The following ZNF521 variants were observed in gnomAD, a reference collection of about 807,000 sequenced individuals.
ZNF521 encodes LYST-interacting protein 3.
In ZNF521, 14 loss-of-function variants were observed where a neutral mutation model predicts 105.5. The observed-to-expected ratio is 0.13, with a 90% CI of 0.09 to 0.21. ZNF521 has a LOEUF of 0.21. Among genes scored for constraint, ZNF521 ranks in the 10% least tolerant of loss-of-function variants. The pLI, the probability that ZNF521 is intolerant of heterozygous loss-of-function variation, is 1.00. For synonymous variants in ZNF521, 635 were observed against 606.0 expected (o/e 1.05, Z -0.70); for missense variants, 1,233 against 1,629.7 (o/e 0.76, Z 4.19).
At chr18:25,099,538 A>G (rs2033923190) in intron 5 of ZNF521, among the ~76,000 whole-genome samples, 1 of 152,186 alleles carries the variant, frequency 6.6e-6, no homozygotes, top group Non-Finnish European at 1.5e-5. Flanking sequence ...TTATATCTGA[A>G]ATACCAAAAA....
chr18:25,343,696 C>T (rs1411904386), intron 2 of ZNF521, among the ~76,000 whole-genome samples: 2 of 152,048 alleles, frequency 1.3e-5, no homozygotes, highest in Non-Finnish European at 2.9e-5. Flanking sequence ...TGAACACGTA[C>T]CTAACACATA....
intron 5 of ZNF521, among the ~76,000 whole-genome samples, chr18:25,143,357 T>C (rs968487404): frequency 2.0e-5 from 3 of 152,162 alleles, no homozygotes; most frequent in African/African-American, 7.2e-5. Flanking sequence ...AGTCCTGTTT[T>C]TCATGTAGAT....
chr18:25,224,191 A>G, intron 4 of ZNF521, 154 bp downstream of exon 4: 2 of 723,818 alleles, frequency 2.8e-6, no homozygotes, highest in South Asian at 4.0e-5. Context: ...AGTAATTGCT[A>G]GCTAATGGCT....
chr18:25,222,866 AT>A (rs1292434440), intron 4 of ZNF521, among the ~76,000 whole-genome samples: 1 of 152,194 alleles, frequency 6.6e-6, no homozygotes, highest in African/African-American at 2.4e-5. Context: ...GAACAAAAAA[AT>A]ACCCTTATTC....
intron 5 of ZNF521, among the ~76,000 whole-genome samples, chr18:25,145,944 T>C (rs988151721): frequency 2.0e-5 from 3 of 152,218 alleles, no homozygotes; most frequent in East Asian, 3.8e-4. Flanking sequence ...TATGACAACA[T>C]GGGAAACCTT....
chr18:25,246,759 T>C (rs1293748018), intron 3 of ZNF521, among the ~76,000 whole-genome samples: 1 of 152,210 alleles, frequency 6.6e-6, no homozygotes, highest in African/African-American at 2.4e-5. Flanking sequence ...TAAGAGAGGA[T>C]TCAGTTCAAT....
intron 5 of ZNF521, among the ~76,000 whole-genome samples, chr18:25,118,258 T>C (rs986065475): frequency 3.9e-5 from 6 of 152,064 alleles, no homozygotes; most frequent in African/African-American, 1.4e-4. Context: ...TAAGAGAATT[T>C]ATCTTTAGCA....
At chr18:25,199,564 T>C (rs1194677358) in intron 4 of ZNF521, among the ~76,000 whole-genome samples, 1 of 151,898 alleles carries the variant, frequency 6.6e-6, no homozygotes, top group South Asian at 2.1e-4. Context: ...AGGGATGAAA[T>C]ATTTGCAATT....
At chr18:25,228,329 T>G (rs4392144) in intron 3 of ZNF521, among the ~76,000 whole-genome samples, 34 of 152,368 alleles carry the variant, frequency 2.2e-4, no homozygotes, top group African/African-American at 7.7e-4. Flanking sequence ...TTATGTCTTG[T>G]GTAATGAAAG....
chr18:25,116,888 CGTATATAT>C (rs1567968454), intron 5 of ZNF521, among the ~76,000 whole-genome samples: 13 of 133,978 alleles, frequency 9.7e-5, no homozygotes, highest in Admixed American at 7.4e-5. Context: ...TATATATATA[CGTATATAT>C]ATATGTGTAT....
chr18:25,135,084 A>T (rs2034707975), intron 5 of ZNF521, among the ~76,000 whole-genome samples: 1 of 152,082 alleles, frequency 6.6e-6, no homozygotes, highest in Admixed American at 6.6e-5. Flanking sequence ...ACAGTGGGGA[A>T]TTATCAGCTA....
chr18:25,176,976 C>T (rs2035546514), intron 5 of ZNF521, among the ~76,000 whole-genome samples: 1 of 152,244 alleles, frequency 6.6e-6, no homozygotes, highest in African/African-American at 2.4e-5. Flanking sequence ...TACCAGCCCC[C>T]TTCTCCTTCT....
chr18:25,146,515 T>C (rs2034946614), intron 5 of ZNF521, among the ~76,000 whole-genome samples: 1 of 152,162 alleles, frequency 6.6e-6, no homozygotes, highest in African/African-American at 2.4e-5. Flanking sequence ...AATGAGCATC[T>C]TTTATGCCAT....
At chr18:25,238,760 C>A (rs191855939) in intron 3 of ZNF521, among the ~76,000 whole-genome samples, 137 of 152,280 alleles carry the variant, frequency 9.0e-4, no homozygotes, top group African/African-American at 3.3e-3. Context: ...CACAGGGCAG[C>A]ATTTCTTAGT....
At chr18:25,178,759 G>C (rs1450811386) in intron 5 of ZNF521, among the ~76,000 whole-genome samples, 1 of 152,172 alleles carries the variant, frequency 6.6e-6, no homozygotes, top group Non-Finnish European at 1.5e-5. Flanking sequence ...TTATTGCCTA[G>C]AAAATGACAT....
chr18:25,327,126 C>T (rs1913264169), intron 2 of ZNF521, among the ~76,000 whole-genome samples: 1 of 152,172 alleles, frequency 6.6e-6, no homozygotes, highest in East Asian at 1.9e-4. Flanking sequence ...CACTACACTG[C>T]TAGTGAACTA....
At chr18:25,322,291 G>A (rs1912973205) in intron 2 of ZNF521, 104 bp from the exon 3 acceptor site, 1 of 1,155,874 alleles carries the variant, frequency 8.7e-7, no homozygotes, top group Admixed American at 1.7e-5. Flanking sequence ...TTTCCTTGAA[G>A]TTGCAATAGG....
chr18:25,247,037 C>G (rs564098045), intron 3 of ZNF521, among the ~76,000 whole-genome samples: 1 of 152,300 alleles, frequency 6.6e-6, no homozygotes, highest in East Asian at 1.9e-4. Flanking sequence ...CTAGCTACCA[C>G]CCCAGTCCTG....
In ZNF521 at chr18:25,154,606, T is replaced by G. The variant is rs192045252; in HGVS notation, c.3658+40554A>C. 1.3e-3 allele frequency among the ~76,000 whole-genome samples: 200 copies of G among 152,256 alleles called. 1 individual carries two copies. The highest frequency in any genetic ancestry group is 2.0e-3 in the Non-Finnish European group (135 of 67,996). On this transcript the variant is annotated intron_variant, in intron 5 of 7. Transcript: ENST00000361524. ...GAAATTTTATTAGCCTTCAATACCCTGAAATTTAATAAAATCACCTATAAG... is the reference window on the plus strand; with the variant it reads ...GAAATTTTATTAGCCTTCAATACCCGGAAATTTAATAAAATCACCTATAAG...
Sources: allele counts gnomAD v4.1 joint callset (sites outside exome capture counted in the v4.1 genomes callset), GRCh38; gene constraint gnomAD v4.1.1; transcripts MANE v1.5; gene names NCBI Gene and HGNC (gene_info 2026-07-23, HGNC 2026-07-21).